Variants in NRXN1 observed in about 807,000 individuals in gnomAD.
The protein encoded by NRXN1 is neurexin-1.
A neutral mutation model predicts 150.9 loss-of-function variants in NRXN1; 39 were observed. The ratio of observed to expected loss-of-function variants is 0.26; its 90% CI spans 0.20 to 0.34. The LOEUF (loss-of-function observed/expected upper bound fraction) is 0.34, where lower values mean the gene tolerates loss of function less well. Among genes scored for constraint, NRXN1 ranks in the 10% least tolerant of loss-of-function variants. The probability of loss-of-function intolerance (pLI) is 1.00; values close to 1 mark genes in which losing one functional copy is unlikely to be tolerated. For synonymous variants in NRXN1, 924 were observed against 757.0 expected (o/e 1.22, Z -3.62); for missense variants, 1,815 against 1,949.9 (o/e 0.93, Z 1.30).
In NRXN1 at chr2:50,135,032, A is replaced by G. The variant is rs528013173; in HGVS notation, c.3547-43538T>C. Among the ~76,000 whole-genome samples, 45 of 152,340 alleles carry G rather than the reference A, an allele frequency of 3.0e-4. No individual in the cohort carries two copies. The South Asian group carries it at 5.8e-3, about 20-fold the overall frequency. On this transcript the variant is annotated intron_variant, in intron 18 of 22. Transcript: ENST00000401669. ...TTTGAGTGTTTCAGACAAGAAAGCA[A>G]GAATATTATGCACCAGAATATAATG...
intron 8 of NRXN1, among the ~76,000 whole-genome samples, chr2:50,609,501 C>T (rs1005875632): frequency 2.6e-5 from 4 of 152,014 alleles, no homozygotes; most frequent in African/African-American, 9.7e-5. Flanking sequence ...ATATACCAGG[C>T]ACTACTCTCA....
rs139002968 is a variant in NRXN1, at chr2:50,496,623, C to A, written c.2880-528G>T. Among the ~76,000 whole-genome samples, 466 of 152,202 alleles carry A rather than the reference C, an allele frequency of 3.1e-3. 3 individuals are homozygous for A. Among genetic ancestry groups the A allele is most frequent in the Non-Finnish European group, 5.1e-3 (345 of 67,992 alleles). ...TCAAGAAACATGTCACAGTGCTTTTCTTTTCTTTTCTGTTTATGTGTTCAT... is the reference window on the plus strand; with the variant it reads ...TCAAGAAACATGTCACAGTGCTTTTATTTTCTTTTCTGTTTATGTGTTCAT... On this transcript the variant is annotated intron_variant, in intron 14 of 22. Transcript: ENST00000401669.
intron 19 of NRXN1, among the ~76,000 whole-genome samples, chr2:50,068,302 T>C (rs901554415): frequency 1.3e-5 from 2 of 152,226 alleles, no homozygotes; most frequent in Non-Finnish European, 2.9e-5. Flanking sequence ...TTCAATTTTA[T>C]AAAATGTAAA....
intron 17 of NRXN1, among the ~76,000 whole-genome samples, chr2:50,352,604 C>T (rs1354857800): frequency 1.3e-5 from 2 of 151,794 alleles, no homozygotes; most frequent in Non-Finnish European, 2.9e-5. Flanking sequence ...ACCTACTTTT[C>T]TGAGTTTGAA....
rs199714477 is a variant in NRXN1, at chr2:51,027,957, T to C, written c.317A>G (p.Asp106Gly). The C allele has an allele frequency of 3.1e-6, 5 of 1,602,860 alleles. No homozygotes were observed. Among genetic ancestry groups the C allele is most frequent in the Admixed American group, 3.3e-5 (2 of 59,942 alleles). Residue 106 changes from aspartate (D) to glycine (G), a missense_variant, in exon 2 of 23, where the codon GAC becomes GGC. Asp to Gly is a moderately conservative substitution (Grantham distance 94, BLOSUM62 -1). Around this residue, in one of 6 missense-constraint regions of NRXN1, gnomAD observed 554 missense variants for 478.8 expected, o/e 1.16. Transcript: ENST00000401669. ...CCAGGCGCCGTCGTTAACCGGCGTGTCGGCCAGGAGCGTCGCAGGCTCAGC... is the reference window on the plus strand; with the variant it reads ...CCAGGCGCCGTCGTTAACCGGCGTGCCGGCCAGGAGCGTCGCAGGCTCAGC... The part of the protein sequence containing the change: ...FCAEPATLLA[D>G]TPVNDGAWHS...
chr2:50,285,406 G>C (rs763344939), intron 17 of NRXN1, among the ~76,000 whole-genome samples: 1 of 152,092 alleles, frequency 6.6e-6, no homozygotes, highest in Non-Finnish European at 1.5e-5. Context: ...ATAGCAGGGC[G>C]CAGTCACACA....
At chr2:50,287,494 C>T (rs938162865) in intron 17 of NRXN1, among the ~76,000 whole-genome samples, 3 of 152,090 alleles carry the variant, frequency 2.0e-5, no homozygotes, top group African/African-American at 7.2e-5. Context: ...CTTCTTTACA[C>T]TGCCCAGAGA....
intron 22 of NRXN1, among the ~76,000 whole-genome samples, chr2:49,939,597 C>G (rs1671628311): frequency 6.6e-6 from 1 of 152,170 alleles, no homozygotes; most frequent in African/African-American, 2.4e-5. Context: ...CTAGTTTTAA[C>G]ATGCACAGTT....
At chr2:51,021,558 A>G (rs1669616296) in intron 2 of NRXN1, among the ~76,000 whole-genome samples, 1 of 151,948 alleles carries the variant, frequency 6.6e-6, no homozygotes, top group Non-Finnish European at 1.5e-5. Flanking sequence ...ATACATATAT[A>G]TATATATACA....
At chr2:50,858,178 T>A (rs1239265637) in intron 5 of NRXN1, among the ~76,000 whole-genome samples, 1 of 152,042 alleles carries the variant, frequency 6.6e-6, no homozygotes, top group African/African-American at 2.4e-5. Flanking sequence ...GCTGGTTGAA[T>A]TAAGCTCTAC....
intron 16 of NRXN1, among the ~76,000 whole-genome samples, chr2:50,467,271 C>T (rs1415065996): frequency 6.6e-6 from 1 of 151,552 alleles, no homozygotes; most frequent in Non-Finnish European, 1.5e-5. Context: ...TAAAACCTCA[C>T]TAATAAGAAC....
intron 16 of NRXN1, among the ~76,000 whole-genome samples, chr2:50,470,330 A>G (rs2089336458): frequency 1.3e-5 from 2 of 151,638 alleles, no homozygotes; most frequent in East Asian, 1.9e-4. Context: ...ACTGAAAGGG[A>G]AAAAAACATA....
At chr2:50,796,489 C>A (rs910282392) in intron 5 of NRXN1, among the ~76,000 whole-genome samples, 8 of 152,156 alleles carry the variant, frequency 5.3e-5, no homozygotes, top group African/African-American at 1.7e-4. Flanking sequence ...CCCACCCCAA[C>A]GGCCCCATCT....
intron 18 of NRXN1, among the ~76,000 whole-genome samples, chr2:50,167,580 A>G (rs1183096686): frequency 6.6e-6 from 1 of 152,152 alleles, no homozygotes; most frequent in African/African-American, 2.4e-5. Flanking sequence ...CTGATTATCA[A>G]TTGTTCCCCA....
At chr2:50,568,390 TC>T (rs368573384) in intron 8 of NRXN1, among the ~76,000 whole-genome samples, 85 of 152,174 alleles carry the variant, frequency 5.6e-4, no homozygotes, top group African/African-American at 1.8e-3. Context: ...CTGCAAACTA[TC>T]CATCTGACAA....
At chr2:50,348,042 C>T (rs1167366952) in intron 17 of NRXN1, among the ~76,000 whole-genome samples, 2 of 152,212 alleles carry the variant, frequency 1.3e-5, no homozygotes, top group Non-Finnish European at 1.5e-5. Flanking sequence ...CCTTCCCCTA[C>T]CCAATGGTTT....
rs543559734 is a variant in NRXN1, at chr2:50,577,839, G to C, written c.1321-24814C>G. Among the ~76,000 whole-genome samples the C allele has an allele frequency of 9.9e-5, 15 of 152,072 alleles. No homozygotes were observed. The South Asian group carries it at 2.9e-3, about 29-fold the overall frequency. ...GGGAAGCCCAAGTTTTTAGGAGATG[G>C]AATAAATTGTTAAAACAGTTACTAA... On this transcript the variant is annotated intron_variant, in intron 8 of 22. Coordinates refer to ENST00000401669, the MANE Select transcript of NRXN1 (RefSeq NM_001330078.2).
intron 18 of NRXN1, among the ~76,000 whole-genome samples, chr2:50,135,379 CT>C (rs1210203482): frequency 6.6e-6 from 1 of 152,176 alleles, no homozygotes; most frequent in Non-Finnish European, 1.5e-5. Flanking sequence ...ATTATTAAGT[CT>C]TTTCTTACAA....
chr2:50,062,334 T>G (rs1430471910), intron 19 of NRXN1, among the ~76,000 whole-genome samples: 2 of 152,096 alleles, frequency 1.3e-5, no homozygotes, highest in African/African-American at 4.8e-5. Flanking sequence ...CCTTCCCTCC[T>G]TCTGTGATAC....
Sources: gnomAD v4.1 joint callset for allele counts (sites outside exome capture counted in the v4.1 genomes callset) on GRCh38, gnomAD v4.1.1 for gene constraint, gnomAD v4.1.1 regional missense constraint, MANE v1.5 for transcripts, NCBI Gene and HGNC (gene_info 2026-07-23, HGNC 2026-07-21) for gene names.